The following UMAD1 variants were observed in gnomAD, a reference collection of about 807,000 sequenced individuals.
The protein encoded by UMAD1 is UBAP1-MVB12-associated (UMA)-domain containing protein 1.
A neutral mutation model predicts 6.1 loss-of-function variants in UMAD1; 8 were observed. The observed-to-expected ratio is 1.30, with a 90% confidence interval of 0.76 to 2.35. The LOEUF (loss-of-function observed/expected upper bound fraction) is 2.35. Among genes scored for constraint, UMAD1 ranks in the 30% most tolerant of loss-of-function variants. The pLI is 0.00. For synonymous variants in UMAD1, 56 were observed against 31.4 expected, an observed-to-expected ratio of 1.78 and a Z score of -2.61; for missense variants, 130 against 78.4, an observed-to-expected ratio of 1.66 and a Z score of -2.49.
intron 3 of UMAD1, among the ~76,000 whole-genome samples, chr7:7,815,940 T>C (rs1216789781): frequency 1.7e-4 from 26 of 152,094 alleles, no homozygotes. Flanking sequence ...GGAGGACAAA[T>C]AGAGAGAAGC....
intron 1 of UMAD1, among the ~76,000 whole-genome samples, chr7:7,669,825 C>G (rs1779560847): frequency 6.6e-6 from 1 of 152,176 alleles, no homozygotes; most frequent in Admixed American, 6.5e-5. Context: ...TGTTGCCATT[C>G]TCAGTTCTTT....
chr7:7,760,362 C>G (rs1781860675), intron 2 of UMAD1, among the ~76,000 whole-genome samples: 1 of 151,228 alleles, frequency 6.6e-6, no homozygotes, highest in South Asian at 2.1e-4. Flanking sequence ...AATAACCATC[C>G]TGGCTAACAC....
In UMAD1 at chr7:7,830,657, C is replaced by G. The variant is rs1165966837; in HGVS notation, c.156+28914C>G. On this transcript the variant is annotated intron_variant, in intron 3 of 3. Coordinates refer to ENST00000682710, the MANE Select transcript of UMAD1 (RefSeq NM_001302348.2). This position sits in a 1 kb window ranked among gnomAD's most constrained non-coding sequence, Gnocchi z 5.3. Reference sequence around the variant, plus strand: ...GTTCATTTTCCTTGTCCCAGACTTTCTATTTCAATGGTTTTCTTTATTCTA... The same window carrying G: ...GTTCATTTTCCTTGTCCCAGACTTTGTATTTCAATGGTTTTCTTTATTCTA... 2.0e-5 allele frequency among the ~76,000 whole-genome samples: 3 copies of G among 152,098 alleles called. No homozygotes were observed. Among genetic ancestry groups the G allele is most frequent in the Non-Finnish European group, 4.4e-5 (3 of 67,978 alleles).
intron 2 of UMAD1, among the ~76,000 whole-genome samples, chr7:7,773,571 A>C (rs939467316): frequency 6.6e-5 from 10 of 152,198 alleles, no homozygotes; most frequent in Non-Finnish European, 1.2e-4. Context: ...AAAAAAACAC[A>C]ATAACAAAAC....
intron 2 of UMAD1, among the ~76,000 whole-genome samples, chr7:7,760,558 T>A (rs1039989394): frequency 6.6e-6 from 1 of 152,116 alleles, no homozygotes; most frequent in Non-Finnish European, 1.5e-5. Context: ...GAAGACAATA[T>A]TAAGTCATCC....
intron 3 of UMAD1, among the ~76,000 whole-genome samples, chr7:7,862,634 T>C (rs1214875286): frequency 1.3e-5 from 2 of 152,228 alleles, no homozygotes; most frequent in African/African-American, 4.8e-5. Flanking sequence ...TTAGATGCTG[T>C]AGTTTTCTAA....
chr7:7,642,261 A>C (rs1043581374), intron 1 of UMAD1, among the ~76,000 whole-genome samples: 1 of 128,244 alleles, frequency 7.8e-6, no homozygotes, highest in Non-Finnish European at 1.6e-5. Context: ...CAGCCTGCCA[A>C]GTAGCTGGGA....
chr7:7,738,578 C>G (rs911414528), intron 2 of UMAD1: 12 of 152,202 alleles, frequency 7.9e-5, no homozygotes, highest in Middle Eastern at 3.2e-3. Context: ...AAATACTGTT[C>G]AGGAAAATTT....
At chr7:7,763,159 T>C (rs1319954203) in intron 2 of UMAD1, among the ~76,000 whole-genome samples, 1 of 152,218 alleles carries the variant, frequency 6.6e-6, no homozygotes, top group Admixed American at 6.5e-5. Flanking sequence ...ATAGGTAGTA[T>C]TTAAAATATT....
chr7:7,724,033 AC>A (rs1781096667), intron 2 of UMAD1, among the ~76,000 whole-genome samples: 1 of 152,080 alleles, frequency 6.6e-6, no homozygotes, highest in Admixed American at 6.6e-5. Context: ...CAGACCCAGA[AC>A]CCCTTGAATG....
At chr7:7,716,673 C>A (rs1343411315) in intron 2 of UMAD1, among the ~76,000 whole-genome samples, 1 of 152,218 alleles carries the variant, frequency 6.6e-6, no homozygotes, top group East Asian at 1.9e-4. Context: ...GCGGCCGGCG[C>A]GGTGGCTCAC....
intron 3 of UMAD1, among the ~76,000 whole-genome samples, chr7:7,856,596 T>G (rs915927869): frequency 2.0e-5 from 3 of 152,232 alleles, no homozygotes; most frequent in African/African-American, 7.2e-5. Context: ...TTGGGTGTGT[T>G]TTTTTTCTTT....
At chr7:7,645,222 C>T (rs934550009) in intron 1 of UMAD1, among the ~76,000 whole-genome samples, 4 of 151,684 alleles carry the variant, frequency 2.6e-5, no homozygotes, top group African/African-American at 9.7e-5. Flanking sequence ...TCTTTCTTAC[C>T]TTTTGCCTAG....
At chr7:7,790,154 A>G (rs1200680970) in intron 2 of UMAD1, among the ~76,000 whole-genome samples, 1 of 152,178 alleles carries the variant, frequency 6.6e-6, no homozygotes, top group African/African-American at 2.4e-5. Context: ...CACTTGCATT[A>G]GAATATCTGG....
chr7:7,869,690 GA>G (rs970735914), intron 3 of UMAD1, among the ~76,000 whole-genome samples: 4 of 152,186 alleles, frequency 2.6e-5, no homozygotes, highest in Non-Finnish European at 5.9e-5. Flanking sequence ...AATTTAGTTG[GA>G]TATAGCTAAG....
chr7:7,702,825 T>TA (rs776879165), intron 2 of UMAD1, among the ~76,000 whole-genome samples: 2 of 152,146 alleles, frequency 1.3e-5, no homozygotes, highest in Non-Finnish European at 2.9e-5. Flanking sequence ...TTGCCTTTTG[T>TA]AAAAAATGCT....
At chr7:7,716,063 AT>A (rs888017312) in intron 2 of UMAD1, among the ~76,000 whole-genome samples, 1 of 152,070 alleles carries the variant, frequency 6.6e-6, no homozygotes. Context: ...TACAGTTAAA[AT>A]TTTTTTTGAA....
intron 2 of UMAD1, among the ~76,000 whole-genome samples, chr7:7,754,854 A>G (rs772138413): frequency 6.6e-6 from 1 of 152,236 alleles, no homozygotes; most frequent in African/African-American, 2.4e-5. Context: ...TCCACAAACG[A>G]GATCATACTC....
At chr7:7,683,589 A>T (rs560719320) in intron 2 of UMAD1, among the ~76,000 whole-genome samples, 1 of 152,158 alleles carries the variant, frequency 6.6e-6, no homozygotes, top group Admixed American at 6.5e-5. Flanking sequence ...AGAAAGCTTC[A>T]TACATGATCC....
Sources: gnomAD v4.1 joint callset for allele counts (sites outside exome capture counted in the v4.1 genomes callset) on GRCh38, gnomAD v4.1.1 for gene constraint, Gnocchi (gnomAD v3.1) non-coding constraint, MANE v1.5 for transcripts, NCBI Gene and HGNC (gene_info 2026-07-23, HGNC 2026-07-21) for gene names.